Variants in HEMGN observed in about 807,000 individuals in gnomAD.
HEMGN encodes the protein hemogen.
A neutral mutation model predicts 45.7 loss-of-function variants in HEMGN; 32 were observed. The ratio of observed to expected loss-of-function variants is 0.70; its 90% confidence interval spans 0.53 to 0.94. The LOEUF (loss-of-function observed/expected upper bound fraction) is 0.94. Among genes scored for constraint, HEMGN ranks in the 40% least tolerant of loss-of-function variants. The pLI is 0.00. For missense variants in HEMGN, 530 were observed against 564.2 expected, an observed-to-expected ratio of 0.94 and a Z score of 0.61; for synonymous variants, 183 against 178.6, an observed-to-expected ratio of 1.02 and a Z score of -0.20.
chr9:97,927,557 AC>A, intron 3 of HEMGN, 79 bp from the exon 4 acceptor site: 1 of 905,848 alleles, frequency 1.1e-6, no homozygotes, highest in East Asian at 2.5e-5. Flanking sequence ...AGGAAGAAAA[AC>A]TGCTTTACAA....
chr9:97,943,573 T>C (rs1827181825), intron 1 of HEMGN, among the ~76,000 whole-genome samples: 1 of 152,206 alleles, frequency 6.6e-6, no homozygotes, highest in African/African-American at 2.4e-5. Flanking sequence ...GTCCCTCCTC[T>C]GGAATCCTCC....
chr9:97,930,546 T>G lies in HEMGN; in HGVS notation c.849A>C (p.Glu283Asp), dbSNP rs1826926812. ...DTDQNPAEPE[E>D]YNETDQGIAE... is the part of the protein sequence containing the mutation. ...CTATTCCTTGATCTGTTTCATTGTA[T>G]TCCTCTGGTTCTGCTGGATTTTGGT... Residue 283 changes from glutamate to aspartate, a missense_variant, in exon 3 of 4, where the codon GAA becomes GAC. Coordinates refer to ENST00000616898, the MANE Select transcript of HEMGN (RefSeq NM_197978.3). 2 of 1,614,200 alleles carry G rather than the reference T, an allele frequency of 1.2e-6. No homozygotes were observed. Among genetic ancestry groups the G allele is most frequent in the Non-Finnish European group, 1.7e-6 (2 of 1,180,014 alleles).
intron 3 of HEMGN, 60 bp from the exon 4 acceptor site, chr9:97,927,538 T>A: frequency 8.6e-7 from 1 of 1,156,202 alleles, no homozygotes; most frequent in Admixed American, 1.8e-5. Context: ...CAATTGACTC[T>A]CCATTTGGAG....
At chr9:97,935,917 C>T (rs1250977775) in intron 2 of HEMGN, among the ~76,000 whole-genome samples, 1 of 152,128 alleles carries the variant, frequency 6.6e-6, no homozygotes, top group Non-Finnish European at 1.5e-5. Flanking sequence ...TTCGGTTGCT[C>T]AGTGCTTTAA....
chr9:97,927,532 T>G lies in HEMGN; in HGVS notation c.1361-54A>C, dbSNP rs1297014843. On this transcript the variant is annotated intron_variant, in intron 3 of 3. Coordinates refer to ENST00000616898, the MANE Select transcript of HEMGN (RefSeq NM_197978.3). The stretch of plus-strand genomic sequence containing the variant: ...ATTCAATAAATTGTATTGGGACAAT[T>G]GACTCTCCATTTGGAGGAAGAAAAA... 6 of 1,200,894 alleles carry G rather than the reference T, an allele frequency of 5.0e-6. No homozygotes were observed. The Admixed American group carries it at 1.0e-4, about 21-fold the overall frequency. 74.4% of individuals were successfully genotyped at this position (1,200,894 alleles called of 1,614,324 possible). A position where few individuals can be genotyped will look rare whatever the true frequency, so the allele number is the denominator to read the frequency against.
In HEMGN at chr9:97,930,886, T is replaced by C; in HGVS notation, c.509A>G (p.Glu170Gly). 1 of 1,614,156 alleles carries C rather than the reference T, an allele frequency of 6.2e-7. No individual in the cohort carries two copies. Among genetic ancestry groups the C allele is most frequent in the East Asian group, 2.2e-5 (1 of 44,888 alleles). ...SETCQHVSEP[E>G]DLSPKMYQEI... ...TTGGTACATTTTAGGAGAGAGGTCT[T>C]CAGGTTCAGACACATGTTGGCATGT... is the stretch of plus-strand genomic sequence containing the variant. Residue 170 changes from glutamate to glycine, a missense_variant, in exon 3 of 4, where the codon GAA becomes GGA. Transcript: ENST00000616898.
At chr9:97,934,989 G>C (rs574024667) in intron 2 of HEMGN, among the ~76,000 whole-genome samples, 31 of 152,306 alleles carry the variant, frequency 2.0e-4, no homozygotes, top group African/African-American at 7.5e-4. Context: ...CGCAAGGCTG[G>C]TGTTGTGCCT....
chr9:97,939,027 G>A (rs1266591386), upstream of HEMGN, among the ~76,000 whole-genome samples: 1 of 152,156 alleles, frequency 6.6e-6, no homozygotes, highest in Non-Finnish European at 1.5e-5. Context: ...AAGACAAGGA[G>A]CCACAGACTA....
chr9:97,936,982 A>G (rs755621688), intron 1 of HEMGN, among the ~76,000 whole-genome samples: 3 of 152,184 alleles, frequency 2.0e-5, no homozygotes, highest in Non-Finnish European at 2.9e-5. Flanking sequence ...AGAAAAATTG[A>G]TGAGTCTTTG....
At position 97,938,048 on chromosome 9, in the gene HEMGN, T is replaced by C; in HGVS notation, c.79+10A>G. On this transcript the variant is annotated intron_variant, in intron 1 of 3. Transcript: ENST00000616898. ...CAACAGCCACCAGCTCTTAAGGTAT[T>C]TTTCATTACCTGGAGAATGGTTCTC... is the stretch of plus-strand genomic sequence containing the variant. 6.3e-7 allele frequency: 1 copy of C among 1,588,558 alleles called. No individual in the cohort carries two copies. The highest frequency in any genetic ancestry group is 8.6e-7 in the Non-Finnish European group (1 of 1,159,096).
At chr9:97,944,491 A>G (rs1212728474) in intron 1 of HEMGN, among the ~76,000 whole-genome samples, 1 of 152,076 alleles carries the variant, frequency 6.6e-6, no homozygotes. Flanking sequence ...AGGGGCCTCA[A>G]CTTCTCATTG....
chr9:97,927,283 T>A lies in HEMGN; in HGVS notation c.*101A>T, dbSNP rs946094013. 4.8e-5 allele frequency: 32 copies of A among 671,164 alleles called. No individual in the cohort carries two copies. In the African/African-American group the frequency reaches 5.8e-4, roughly 12 times the overall value. The allele number at this position is 671,164 out of a possible 1,614,324, so 41.6% of individuals were successfully genotyped here. ...TGGTCTACAAATAGAAAAAATAATA[T>A]TAATGAGCATTGTCAAAAGTTTTAC... is the stretch of plus-strand genomic sequence containing the variant. On this transcript the variant is annotated 3_prime_UTR_variant, in exon 4 of 4. Coordinates refer to ENST00000616898, the MANE Select transcript of HEMGN (RefSeq NM_197978.3).
chr9:97,931,236 G>A lies in HEMGN; in HGVS notation c.174-15C>T. The A allele has an allele frequency of 1.3e-6, 2 of 1,573,734 alleles. No homozygotes were observed. Among genetic ancestry groups the A allele is most frequent in the Non-Finnish European group, 1.7e-6 (2 of 1,162,996 alleles). On this transcript the variant is annotated splice_polypyrimidine_tract_variant and intron_variant, in intron 2 of 3. Coordinates refer to ENST00000616898, the MANE Select transcript of HEMGN (RefSeq NM_197978.3). The stretch of plus-strand genomic sequence containing the variant: ...TTTTCTGTTCTCTGCAGAAAGAACA[G>A]AATTAGTGTCAGCAGTGGTACTACA...
chr9:97,942,984 T>G (rs1827174265), upstream of HEMGN, among the ~76,000 whole-genome samples: 1 of 152,166 alleles, frequency 6.6e-6, no homozygotes, highest in South Asian at 2.1e-4. Flanking sequence ...GTGAAGACCA[T>G]ATTATATGAA....
At chr9:97,935,731 G>A (rs1827045709) in intron 2 of HEMGN, among the ~76,000 whole-genome samples, 1 of 152,282 alleles carries the variant, frequency 6.6e-6, no homozygotes, top group Middle Eastern at 3.4e-3. Flanking sequence ...CATTTACAGC[G>A]AATGTTTTGG....
chr9:97,934,371 T>C, intron 2 of HEMGN, among the ~76,000 whole-genome samples: 1 of 135,896 alleles, frequency 7.4e-6, no homozygotes, highest in East Asian at 2.2e-4. Flanking sequence ...AATGAATGAA[T>C]GAGAGAAAGA....
Position 97,938,132 on chromosome 9 carries a change from T to A in HEMGN, c.5A>T (p.Asp2Val), listed in dbSNP as rs768928250. Residue 2 changes from aspartate (D) to valine (V), a missense_variant, in exon 1 of 4, where the codon GAT (aspartate) becomes GTT (valine). Asp to Val is a radical substitution (Grantham distance 152). Transcript: ENST00000616898. ...CAAATGAGATTGGTCCTTTCCCAAA[T>A]CCATCTTGCTGCAATACCTTCCTGC... is the stretch of plus-strand genomic sequence containing the variant. Reference protein sequence around the residue: MDLGKDQSHLKH... With the variant: MVLGKDQSHLKH... 6.2e-7 allele frequency: 1 copy of A among 1,611,166 alleles called. No homozygotes were observed. The highest frequency in any genetic ancestry group is 1.1e-5 in the South Asian group (1 of 90,920).
chr9:97,937,952 T>C (rs1468113148), intron 1 of HEMGN, 106 bp downstream of exon 1: 1 of 694,072 alleles, frequency 1.4e-6, no homozygotes, highest in Non-Finnish European at 2.5e-6. Context: ...TTAGCTTTCA[T>C]TTATTTCCTT....
rs953860817 is a variant in HEMGN, at chr9:97,928,952, G to A, written c.1360+1083C>T. 2.0e-5 allele frequency among the ~76,000 whole-genome samples: 3 copies of A among 152,028 alleles called. No individual in the cohort carries two copies. In the South Asian group the frequency reaches 6.2e-4, roughly 31 times the overall value. On this transcript the variant is annotated intron_variant, in intron 3 of 3. Transcript: ENST00000616898. ...TTAACATTGGGAACTGAAGATAGAA[G>A]ATGGTATTATAGGGGACTTTTACTT...
Sources: allele counts gnomAD v4.1 joint callset (sites outside exome capture counted in the v4.1 genomes callset), GRCh38; gene constraint gnomAD v4.1.1; transcripts MANE v1.5; gene names NCBI Gene and HGNC (gene_info 2026-07-23, HGNC 2026-07-21).